Variants in ADORA1 observed in about 807,000 individuals in gnomAD.
ADORA1 encodes adenosine receptor A1.
In ADORA1, 6 loss-of-function variants were observed where a neutral mutation model predicts 19.9. The ratio of observed to expected loss-of-function variants is 0.30; its 90% CI spans 0.17 to 0.59. The LOEUF is 0.59. Ranked by LOEUF, ADORA1 falls within the 20% of genes least tolerant of loss-of-function variation. The pLI is 0.87. For synonymous variants in ADORA1, 194 were observed against 188.4 expected (o/e 1.03, Z -0.24); for missense variants, 302 against 439.2 (o/e 0.69, Z 2.79).
intron 3 of ADORA1, among the ~76,000 whole-genome samples, chr1:203,129,437 A>G (rs1654263917): frequency 6.6e-6 from 1 of 152,198 alleles, no homozygotes; most frequent in African/African-American, 2.4e-5. Flanking sequence ...TCTTGCAGCC[A>G]GGGAACCTGA....
intron 3 of ADORA1, chr1:203,150,645 T>G (rs1655002007): frequency 1.6e-6 from 2 of 1,289,564 alleles, no homozygotes. Flanking sequence ...CCAAAAGTGG[T>G]GTCTTCTTGA....
At position 203,129,068 on chromosome 1, in the gene ADORA1, A is replaced by C; in HGVS notation, c.227A>C (p.Tyr76Ser). 1 of 1,613,964 alleles carries C rather than the reference A, an allele frequency of 6.2e-7. No homozygotes were observed. Among genetic ancestry groups the C allele is most frequent in the Non-Finnish European group, 8.5e-7 (1 of 1,179,980 alleles). The change falls in exon 3 of 4, where the codon TAC becomes TCC. Residue 76 changes from tyrosine (Y) to serine (S), a missense_variant. Transcript: ENST00000337894. ...AILINIGPQT[Y>S]FHTCLMVACP... ...CTCATCAACATTGGGCCACAGACCT[A>C]CTTCCACACCTGCCTCATGGTTGCC...
At chr1:203,130,100 C>T (rs991872482) in intron 3 of ADORA1, among the ~76,000 whole-genome samples, 1 of 152,250 alleles carries the variant, frequency 6.6e-6, no homozygotes, top group African/African-American at 2.4e-5. Flanking sequence ...TCTTTGAATT[C>T]TTGCCCCCAG....
intron 3 of ADORA1, among the ~76,000 whole-genome samples, chr1:203,148,309 G>A (rs973109184): frequency 1.3e-5 from 2 of 152,248 alleles, no homozygotes; most frequent in African/African-American, 4.8e-5. Flanking sequence ...CCTTGGGCAA[G>A]TTGCCCAGTC....
At chr1:203,138,867 G>A (rs2102741608) in intron 3 of ADORA1, among the ~76,000 whole-genome samples, 1 of 152,282 alleles carries the variant, frequency 6.6e-6, no homozygotes, top group South Asian at 2.1e-4. Context: ...CACCCAGGCT[G>A]GAGTGTAGTG....
At position 203,129,191 on chromosome 1, in the gene ADORA1, A is replaced by C; in HGVS notation, c.341+9A>C. ...GTCAAGATCCCTCTCCGGTGAGTCC[A>C]CAGCGCCGAAGGTACTCGCAGCACC... On this transcript the variant is annotated intron_variant, in intron 3 of 3. Coordinates refer to ENST00000337894, the MANE Select transcript of ADORA1 (RefSeq NM_000674.3). The C allele has an allele frequency of 6.2e-7, 1 of 1,602,886 alleles. No homozygotes were observed. The highest frequency in any genetic ancestry group is 8.5e-7 in the Non-Finnish European group (1 of 1,173,736).
In ADORA1 at chr1:203,154,665, G is replaced by A. The variant is rs372739721; in HGVS notation, c.342-10596G>A. On this transcript the variant is annotated intron_variant, in intron 3 of 3. Coordinates refer to ENST00000337894, the MANE Select transcript of ADORA1 (RefSeq NM_000674.3). ...GGGAGGTAGACAGCTCCCCACCACC[G>A]CCCCATCCCCACTGCTCCAGCACTG... 2.3e-4 allele frequency among the ~76,000 whole-genome samples: 35 copies of A among 152,230 alleles called. No homozygotes were observed. In the East Asian group the frequency reaches 3.3e-3, roughly 14 times the overall value.
chr1:203,141,249 A>G (rs1233298382), intron 3 of ADORA1, among the ~76,000 whole-genome samples: 1 of 152,142 alleles, frequency 6.6e-6, no homozygotes, highest in Non-Finnish European at 1.5e-5. Flanking sequence ...TGCAGAAATC[A>G]TCTCCTTTTG....
At chr1:203,159,604 T>A (rs1655301078) in intron 3 of ADORA1, among the ~76,000 whole-genome samples, 2 of 152,196 alleles carry the variant, frequency 1.3e-5, no homozygotes, top group African/African-American at 4.8e-5. Context: ...TCCTGGGGTA[T>A]CCTCTTATTT....
intron 3 of ADORA1, among the ~76,000 whole-genome samples, chr1:203,160,055 A>G (rs1427059347): frequency 6.6e-6 from 1 of 152,222 alleles, no homozygotes; most frequent in East Asian, 1.9e-4. Flanking sequence ...CCATCCCCCA[A>G]TCCTCACGTG....
intron 3 of ADORA1, among the ~76,000 whole-genome samples, chr1:203,163,396 C>T (rs563345951): frequency 6.6e-6 from 1 of 152,282 alleles, no homozygotes; most frequent in Admixed American, 6.5e-5. Flanking sequence ...CCAGGCCTGG[C>T]CATTCTGCTG....
At chr1:203,157,886 G>A (rs1348885024) in intron 3 of ADORA1, among the ~76,000 whole-genome samples, 5 of 152,318 alleles carry the variant, frequency 3.3e-5, no homozygotes, top group South Asian at 4.1e-4. Context: ...AGCAAATGCC[G>A]AGGTCCTGCC....
At chr1:203,153,400 C>T (rs770855777) in intron 3 of ADORA1, among the ~76,000 whole-genome samples, 5 of 152,208 alleles carry the variant, frequency 3.3e-5, no homozygotes, top group Admixed American at 6.5e-5. Context: ...CTGAGTCACA[C>T]ACAGGAACCT....
chr1:203,165,434 A>G lies in ADORA1; in HGVS notation c.515A>G (p.Glu172Gly). 1 of 1,613,548 alleles carries G rather than the reference A, an allele frequency of 6.2e-7. No individual in the cohort carries two copies. Among genetic ancestry groups the G allele is most frequent in the Non-Finnish European group, 8.5e-7 (1 of 1,179,744 alleles). Reference protein sequence around the residue: ...MGEPVIKCEFEKVISMEYMVY... With the variant: ...MGEPVIKCEFGKVISMEYMVY... Reference sequence around the variant, plus strand: ...GAGCCCGTGATCAAGTGCGAGTTCGAGAAGGTCATCAGCATGGAGTACATG... The same window carrying G: ...GAGCCCGTGATCAAGTGCGAGTTCGGGAAGGTCATCAGCATGGAGTACATG... Residue 172 changes from glutamate to glycine, a missense_variant, in exon 4 of 4, where the codon GAG (glutamate) becomes GGG (glycine). Glu to Gly is a moderately conservative substitution (Grantham distance 98). Transcript: ENST00000337894. This position sits in a 1 kb window ranked among gnomAD's most constrained non-coding sequence, Gnocchi z 5.9.
At position 203,165,861 on chromosome 1, in the gene ADORA1, C is replaced by T; in HGVS notation, c.942C>T (p.Pro314=). The T allele has an allele frequency of 6.3e-7, 1 of 1,585,012 alleles. No homozygotes were observed. Among genetic ancestry groups the T allele is most frequent in the South Asian group, 1.2e-5 (1 of 84,988 alleles). ...ATTTCCGCTGCCAGCCTGCACCTCC[C>T]ATTGACGAGGATCTCCCAGAAGAGA... ...NDHFRCQPAP[P]IDEDLPEERP... Residue 314 remains proline, a synonymous_variant, in exon 4 of 4, where the codon CCC becomes CCT. Coordinates refer to ENST00000337894, the MANE Select transcript of ADORA1 (RefSeq NM_000674.3). The surrounding 1 kb of genome is among the most constrained non-coding windows in gnomAD (Gnocchi z 5.9).
chr1:203,154,674 C>G (rs12119124), intron 3 of ADORA1, among the ~76,000 whole-genome samples: 13,786 of 152,206 alleles, frequency 0.091, 1,070 homozygotes, highest in East Asian at 0.44. Flanking sequence ...CGCCCCATCC[C>G]CACTGCTCCA....
intron 1 of ADORA1, 38 bp downstream of exon 1, chr1:203,127,966 A>C (rs1278999161): frequency 5.8e-6 from 1 of 173,346 alleles, no homozygotes; most frequent in African/African-American, 2.4e-5. Flanking sequence ...GGGCTCCCCA[A>C]TGGGGGTGCA....
intron 3 of ADORA1, among the ~76,000 whole-genome samples, chr1:203,156,209 ATAGATAGT>A (rs1280478230): frequency 9.2e-5 from 14 of 152,176 alleles, no homozygotes; most frequent in African/African-American, 2.7e-4. Context: ...GTATAGATAG[ATAGATAGT>A]TAGATAGGGG....
Position 203,165,534 on chromosome 1 carries a change from C to T in ADORA1, c.615C>T (p.Tyr205=), listed in dbSNP as rs769965850. The change falls in exon 4 of 4, where the codon TAC becomes TAT. Residue 205 remains tyrosine, a synonymous_variant. Coordinates refer to ENST00000337894, the MANE Select transcript of ADORA1 (RefSeq NM_000674.3). This position sits in a 1 kb window ranked among gnomAD's most constrained non-coding sequence, Gnocchi z 5.9. The stretch of plus-strand genomic sequence containing the variant: ...TCCTCATCTACCTGGAGGTCTTCTA[C>T]CTAATCCGCAAGCAGCTCAACAAGA... ...LMVLIYLEVF[Y]LIRKQLNKKV... 2.5e-6 allele frequency: 4 copies of T among 1,613,892 alleles called. No individual in the cohort carries two copies. In the African/African-American group the frequency reaches 4.0e-5, roughly 16 times the overall value.
Sources: gnomAD v4.1 joint callset for allele counts (sites outside exome capture counted in the v4.1 genomes callset) on GRCh38, gnomAD v4.1.1 for gene constraint, Gnocchi (gnomAD v3.1) non-coding constraint, MANE v1.5 for transcripts, NCBI Gene and HGNC (gene_info 2026-07-23, HGNC 2026-07-21) for gene names.